The following ZCWPW2 variants were observed in gnomAD, a reference collection of about 807,000 sequenced individuals.
ZCWPW2 encodes the protein zinc finger CW-type PWWP domain protein 2.
Under a neutral mutation model 46.6 loss-of-function variants are expected in ZCWPW2, and 45 were observed. The observed-to-expected ratio is 0.96, with a 90% confidence interval of 0.76 to 1.24. ZCWPW2 has a LOEUF of 1.24. ZCWPW2 is among the 50% of genes most tolerant of loss of function. The pLI, the probability that ZCWPW2 is intolerant of heterozygous loss-of-function variation, is 0.00. For synonymous variants in ZCWPW2, 152 were observed against 137.1 expected (o/e 1.11, Z -0.76); for missense variants, 429 against 403.9 (o/e 1.06, Z -0.53).
intron 4 of ZCWPW2, among the ~76,000 whole-genome samples, chr3:28,442,449 A>G (rs1221668114): frequency 3.3e-5 from 5 of 152,230 alleles, no homozygotes; most frequent in Non-Finnish European, 5.9e-5. Flanking sequence ...AGTGTCATCA[A>G]TATAATGGAC....
rs1575036475 is a variant in ZCWPW2 at position 28,353,896 on chromosome 3, T to A, written c.-134+4693T>A. On this transcript the variant is annotated intron_variant, in intron 1 of 9. Coordinates refer to ENST00000383768, the MANE Select transcript of ZCWPW2 (RefSeq NM_001040432.4). Reference sequence around the variant, plus strand: ...AGAGAAGACTCAGTGGAGGGAATCCTATACTTCTTATTAAATGAAGTAAGA... The same window carrying A: ...AGAGAAGACTCAGTGGAGGGAATCCAATACTTCTTATTAAATGAAGTAAGA... 2.0e-5 allele frequency among the ~76,000 whole-genome samples: 3 copies of A among 152,214 alleles called. No individual in the cohort carries two copies. In the East Asian group the frequency reaches 5.8e-4, roughly 29 times the overall value.
intron 6 of ZCWPW2, among the ~76,000 whole-genome samples, chr3:28,493,123 A>ATTTTTT (rs1431021460): frequency 1.9e-5 from 1 of 52,750 alleles, no homozygotes; most frequent in Admixed American, 2.1e-4. Context: ...GTTTATCTTT[A>ATTTTTT]TTTTTTTTTA....
chr3:28,390,073 T>C (rs542231743), intron 1 of ZCWPW2, among the ~76,000 whole-genome samples: 1 of 152,288 alleles, frequency 6.6e-6, no homozygotes, highest in East Asian at 1.9e-4. Flanking sequence ...AATTAACCTT[T>C]TTTGACATCC....
At chr3:28,471,030 G>A (rs967797504) in intron 4 of ZCWPW2, among the ~76,000 whole-genome samples, 12 of 152,010 alleles carry the variant, frequency 7.9e-5, no homozygotes, top group East Asian at 3.9e-4. Flanking sequence ...TTTCTAGACC[G>A]TACAACCTAC....
chr3:28,522,920 T>C (rs962327556), intron 9 of ZCWPW2, among the ~76,000 whole-genome samples: 3 of 152,212 alleles, frequency 2.0e-5, no homozygotes, highest in African/African-American at 7.2e-5. Flanking sequence ...TTTTGTGCAG[T>C]GTTTTTCAGT....
rs1704406879 is a variant in ZCWPW2, at chr3:28,348,979, G to A, written c.-358G>A. ...GATTGGAAGTGTGGATGAGCTCTCAGCCGGAAAAGGGGCTGCCGCTGTCCG... is the reference window on the plus strand; with the variant it reads ...GATTGGAAGTGTGGATGAGCTCTCAACCGGAAAAGGGGCTGCCGCTGTCCG... On this transcript the variant is annotated 5_prime_UTR_variant, in exon 1 of 10. Transcript: ENST00000383768. The A allele has an allele frequency of 1.0e-6, 1 of 985,724 alleles. No homozygotes were observed. Among genetic ancestry groups the A allele is most frequent in the Non-Finnish European group, 1.2e-6 (1 of 830,166 alleles). The allele number at this position is 985,724 out of a possible 1,614,324, so 61.1% of individuals were successfully genotyped here.
chr3:28,358,496 C>T (rs1559471992), intron 1 of ZCWPW2, among the ~76,000 whole-genome samples: 2 of 152,112 alleles, frequency 1.3e-5, no homozygotes, highest in Admixed American at 1.3e-4. Context: ...GGAAAATTCT[C>T]TAACATCAGT....
chr3:28,388,805 T>C (rs752223608), intron 1 of ZCWPW2, among the ~76,000 whole-genome samples: 1 of 152,146 alleles, frequency 6.6e-6, no homozygotes, highest in Non-Finnish European at 1.5e-5. Flanking sequence ...AGTCCTTCAT[T>C]CTTGAGTGAT....
At chr3:28,450,322 T>G (rs1698175282) in intron 4 of ZCWPW2, among the ~76,000 whole-genome samples, 1 of 152,200 alleles carries the variant, frequency 6.6e-6, no homozygotes, top group African/African-American at 2.4e-5. Flanking sequence ...TGCCATAAGC[T>G]TACATGTCTA....
intron 4 of ZCWPW2, among the ~76,000 whole-genome samples, chr3:28,437,460 T>C (rs1168850205): frequency 6.6e-6 from 1 of 152,194 alleles, no homozygotes; most frequent in Non-Finnish European, 1.5e-5. Context: ...AAATTAAATT[T>C]TTTTTGTTTT....
intron 3 of ZCWPW2, among the ~76,000 whole-genome samples, chr3:28,429,927 G>C (rs1358867158): frequency 6.6e-6 from 1 of 152,220 alleles, no homozygotes; most frequent in Non-Finnish European, 1.5e-5. Flanking sequence ...GTATGGAAAT[G>C]CCTGGATGTC....
chr3:28,438,940 G>A (rs1478974787), intron 4 of ZCWPW2, among the ~76,000 whole-genome samples: 4 of 151,698 alleles, frequency 2.6e-5, no homozygotes, highest in African/African-American at 4.8e-5. Context: ...GAGAAGAATC[G>A]GCAAACTTGA....
At chr3:28,447,412 T>A (rs1698035358) in intron 4 of ZCWPW2, among the ~76,000 whole-genome samples, 1 of 151,832 alleles carries the variant, frequency 6.6e-6, no homozygotes, top group Admixed American at 6.6e-5. Flanking sequence ...ATGATCAGCT[T>A]AATTAATGTA....
intron 1 of ZCWPW2, among the ~76,000 whole-genome samples, chr3:28,370,913 G>A (rs1467708471): frequency 6.6e-6 from 1 of 151,912 alleles, no homozygotes; most frequent in East Asian, 1.9e-4. Flanking sequence ...TGTATTTTTA[G>A]TAGAGATGGG....
At chr3:28,408,924 C>A (rs1035585213) in intron 2 of ZCWPW2, among the ~76,000 whole-genome samples, 1 of 151,780 alleles carries the variant, frequency 6.6e-6, no homozygotes, top group African/African-American at 2.4e-5. Flanking sequence ...AATACAGAGC[C>A]CAGAAATAGA....
chr3:28,360,981 C>G (rs535684848), intron 1 of ZCWPW2, among the ~76,000 whole-genome samples: 3 of 151,920 alleles, frequency 2.0e-5, no homozygotes, highest in Non-Finnish European at 4.4e-5. Flanking sequence ...ATAGCCCAAA[C>G]GTAATTTTAG....
In ZCWPW2 at chr3:28,395,259, G is replaced by T. The variant is rs1197405249; in HGVS notation, c.-14+4642G>T. Among the ~76,000 whole-genome samples, 3 of 152,236 alleles carry T rather than the reference G, an allele frequency of 2.0e-5. No individual in the cohort carries two copies. The East Asian group carries it at 5.8e-4, about 29-fold the overall frequency. ...TGGCTATTATCAAAAAAAGCAGAAT[G>T]TGTTGGTGAGGATGTGGATTGGCAT... On this transcript the variant is annotated intron_variant, in intron 2 of 9. Coordinates refer to ENST00000383768, the MANE Select transcript of ZCWPW2 (RefSeq NM_001040432.4).
chr3:28,421,700 C>T (rs533756311), intron 3 of ZCWPW2, among the ~76,000 whole-genome samples: 3 of 151,828 alleles, frequency 2.0e-5, no homozygotes, highest in Non-Finnish European at 2.9e-5. Flanking sequence ...GCCAGTCTAT[C>T]GTTTTCTCTT....
chr3:28,449,311 G>C (rs904560978), intron 4 of ZCWPW2, among the ~76,000 whole-genome samples: 1 of 152,102 alleles, frequency 6.6e-6, no homozygotes, highest in African/African-American at 2.4e-5. Context: ...ACAATAACTA[G>C]TGGCATATAC....
Sources: gnomAD v4.1 joint callset for allele counts (sites outside exome capture counted in the v4.1 genomes callset) on GRCh38, gnomAD v4.1.1 for gene constraint, MANE v1.5 for transcripts, NCBI Gene and HGNC (gene_info 2026-07-23, HGNC 2026-07-21) for gene names.